KIAA0513: variants seen among roughly 807,000 people sequenced by gnomAD.
KIAA0513 encodes uncharacterized protein KIAA0513.
In KIAA0513, 39 loss-of-function variants were observed where a neutral mutation model predicts 56.5. The ratio of observed to expected loss-of-function variants is 0.69; its 90% CI spans 0.53 to 0.90. KIAA0513 has a LOEUF of 0.90. Among genes scored for constraint, KIAA0513 ranks in the 40% least tolerant of loss-of-function variants. The pLI is 0.00. For synonymous variants in KIAA0513, 268 were observed against 215.6 expected (o/e 1.24, Z -2.13); for missense variants, 591 against 535.2 (o/e 1.10, Z -1.03).
chr16:85,073,146 C>T (rs1489215468), intron 4 of KIAA0513, 148 bp downstream of exon 4: 2 of 726,456 alleles, frequency 2.8e-6, no homozygotes, highest in Non-Finnish European at 4.9e-6. Context: ...GCCCAGCATT[C>T]AGCTAAAAGG....
intron 4 of KIAA0513, among the ~76,000 whole-genome samples, chr16:85,074,752 T>A (rs1367249405): frequency 6.6e-6 from 1 of 152,296 alleles, no homozygotes; most frequent in East Asian, 1.9e-4. Flanking sequence ...GCCCTCCAGA[T>A]TGCCTTTTAT....
intron 1 of KIAA0513, among the ~76,000 whole-genome samples, chr16:85,063,919 T>C (rs932848580): frequency 1.3e-5 from 2 of 152,020 alleles, no homozygotes; most frequent in African/African-American, 4.8e-5. Context: ...CACTAGAAAG[T>C]GAACGTTTTC....
In KIAA0513 at chr16:85,076,572, C is replaced by T. The variant is rs539887695; in HGVS notation, c.574+658C>T. On this transcript the variant is annotated intron_variant, in intron 5 of 12. Transcript: ENST00000683363. This position sits in a 1 kb window ranked among gnomAD's most constrained non-coding sequence, Gnocchi z 4.7. ...GGAGCTAGGTCAGGGAGGTGCTAGG[C>T]CCTGGTCCCCCGTGCTTTCCTCTCT... Among the ~76,000 whole-genome samples, 71 of 152,104 alleles carry T rather than the reference C, an allele frequency of 4.7e-4. No individual in the cohort carries two copies. The highest frequency in any genetic ancestry group is 8.5e-4 in the Non-Finnish European group (58 of 68,002).
At chr16:85,080,146 TGAG>T (rs1462969203) in intron 8 of KIAA0513, among the ~76,000 whole-genome samples, 1 of 146,694 alleles carries the variant, frequency 6.8e-6, no homozygotes, top group Non-Finnish European at 1.5e-5. Flanking sequence ...GGAAGGCCCT[TGAG>T]GAGGCTGGAC....
intron 1 of KIAA0513, among the ~76,000 whole-genome samples, chr16:85,061,290 A>T (rs948623509): frequency 2.0e-5 from 3 of 152,196 alleles, no homozygotes; most frequent in Non-Finnish European, 4.4e-5. Context: ...TTGGCCAGCA[A>T]TTCCACATCT....
chr16:85,074,179 C>T (rs1003698564), intron 4 of KIAA0513, among the ~76,000 whole-genome samples: 3 of 151,822 alleles, frequency 2.0e-5, no homozygotes, highest in Non-Finnish European at 2.9e-5. Context: ...TTCACCATGT[C>T]GGCCAGGCTG....
chr16:85,056,629 C>T (rs1220707722), intron 1 of KIAA0513, among the ~76,000 whole-genome samples: 2 of 152,168 alleles, frequency 1.3e-5, no homozygotes, highest in East Asian at 1.9e-4. Context: ...CTCCGGGCCG[C>T]GCTCGCCGAG....
chr16:85,033,246 T>C (rs2072990901), intron 1 of KIAA0513, among the ~76,000 whole-genome samples: 1 of 152,144 alleles, frequency 6.6e-6, no homozygotes, highest in African/African-American at 2.4e-5. Context: ...CTCCTGACAG[T>C]GAATCTCCTC....
chr16:85,056,075 CT>C (rs1488525014), intron 1 of KIAA0513, among the ~76,000 whole-genome samples: 1 of 152,246 alleles, frequency 6.6e-6, no homozygotes, highest in Non-Finnish European at 1.5e-5. Flanking sequence ...CCAGACCCCC[CT>C]GAAAGCCACA....
At chr16:85,042,932 T>C (rs1300465267) in intron 1 of KIAA0513, among the ~76,000 whole-genome samples, 1 of 152,224 alleles carries the variant, frequency 6.6e-6, no homozygotes, top group Admixed American at 6.5e-5. Flanking sequence ...TTTATTCAAA[T>C]ATAAGTTTTT....
chr16:85,037,210 A>C (rs1325665531), intron 1 of KIAA0513, among the ~76,000 whole-genome samples: 1 of 151,878 alleles, frequency 6.6e-6, no homozygotes, highest in Non-Finnish European at 1.5e-5. Flanking sequence ...CCTTTACATC[A>C]CAGCCAGGCG....
intron 1 of KIAA0513, among the ~76,000 whole-genome samples, chr16:85,050,679 C>T (rs1256318459): frequency 6.6e-6 from 1 of 152,166 alleles, no homozygotes; most frequent in Non-Finnish European, 1.5e-5. Context: ...GGGGCTGACT[C>T]ACCCCTTGTT....
Position 85,081,220 on chromosome 16 carries a change from T to G in KIAA0513, c.903-95T>G. 3.7e-6 allele frequency: 4 copies of G among 1,091,708 alleles called. No homozygotes were observed. The highest frequency in any genetic ancestry group is 5.6e-6 in the Non-Finnish European group (4 of 709,374). 67.6% of individuals were successfully genotyped at this position (1,091,708 alleles called of 1,614,324 possible). ...GACTTCTTAGAAGCTCAGACAGATG[T>G]GAGACACTGCCCTTGTTTATCCCTC... On this transcript the variant is annotated intron_variant, in intron 8 of 12. Transcript: ENST00000683363. The surrounding 1 kb of genome is among the most constrained non-coding windows in gnomAD (Gnocchi z 4.4).
At chr16:85,086,848 C>G in intron 11 of KIAA0513, 124 bp downstream of exon 11, 2 of 956,102 alleles carry the variant, frequency 2.1e-6, no homozygotes, top group East Asian at 2.6e-5. Context: ...GTTCATCACA[C>G]TTGGCCTCCA....
intron 1 of KIAA0513, among the ~76,000 whole-genome samples, chr16:85,053,011 C>T (rs371894985): frequency 7.2e-5 from 11 of 152,134 alleles, no homozygotes; most frequent in East Asian, 5.8e-4. Context: ...CCTCAGCCTC[C>T]CAAGTAGCTG....
At chr16:85,052,304 A>G (rs7195443) in intron 1 of KIAA0513, among the ~76,000 whole-genome samples, 85,916 of 151,742 alleles carry the variant, frequency 0.57, 26,781 homozygotes, top group African/African-American at 0.84. Context: ...TGGTGACAGA[A>G]CGAGCAAGGC....
intron 2 of KIAA0513, 41 bp from the exon 3 acceptor site, chr16:85,071,742 G>GTTT (rs373903661): frequency 3.1e-4 from 336 of 1,090,416 alleles, no homozygotes; most frequent in South Asian, 1.8e-3. Context: ...ATTGAAAAGG[G>GTTT]TTTTTTTTTT....
Position 85,081,200 on chromosome 16 carries a change from C to A in KIAA0513, c.903-115C>A, listed in dbSNP as rs2073739084. ...TCTCAGCCCTACCTCTCTGAGACTT[C>A]TTAGAAGCTCAGACAGATGTGAGAC... On this transcript the variant is annotated intron_variant, in intron 8 of 12. Transcript: ENST00000683363. The surrounding 1 kb of genome is among the most constrained non-coding windows in gnomAD (Gnocchi z 4.4). The A allele has an allele frequency of 9.6e-6, 9 of 937,076 alleles. No homozygotes were observed. The highest frequency in any genetic ancestry group is 6.3e-4 in the Middle Eastern group (2 of 3,162). The allele number at this position is 937,076 out of a possible 1,614,324, so 58.0% of individuals were successfully genotyped here.
At chr16:85,065,682 C>T (rs549845120) in intron 1 of KIAA0513, among the ~76,000 whole-genome samples, 1 of 152,216 alleles carries the variant, frequency 6.6e-6, no homozygotes, top group African/African-American at 2.4e-5. Flanking sequence ...ACCTCACTGG[C>T]AGGCATTGTC....
Sources: allele counts gnomAD v4.1 joint callset (sites outside exome capture counted in the v4.1 genomes callset), GRCh38; gene constraint gnomAD v4.1.1; non-coding constraint Gnocchi (gnomAD v3.1); transcripts MANE v1.5; gene names NCBI Gene and HGNC (gene_info 2026-07-23, HGNC 2026-07-21).